Variants in SRSF1 observed in about 807,000 individuals in gnomAD.
SRSF1 encodes serine and arginine rich splicing factor 1.
SRSF1 carries 1 observed loss-of-function variant against 25.9 expected under a neutral mutation model. That is an observed-to-expected ratio of 0.04 (90% CI 0.01 to 0.18). The LOEUF is 0.18. Ranked by LOEUF, SRSF1 falls within the 10% of genes least tolerant of loss-of-function variation. SRSF1 has a pLI of 1.00. For synonymous variants in SRSF1, 132 were observed against 126.2 expected (o/e 1.05, Z -0.31); for missense variants, 65 against 350.5 (o/e 0.19, Z 6.50).
At chr17:57,992,950 G>C in the SRSF1 span, 1 of 152,320 alleles carries the variant, frequency 6.6e-6, no homozygotes, top group African/African-American at 2.4e-5. Context: ...ATGACCTCAT[G>C]ACTAGCAAGA....
At chr17:57,992,506 A>T in the SRSF1 span, 63 of 152,294 alleles carry the variant, frequency 4.1e-4, no homozygotes, top group Admixed American at 1.2e-3. Flanking sequence ...ATAAAAAAAT[A>T]AACTAAATTC....
At chr17:58,006,903 G>A (rs1458171432) in intron 1 of SRSF1, 41 bp downstream of exon 1, 5 of 1,607,064 alleles carry the variant, frequency 3.1e-6, no homozygotes, top group East Asian at 2.2e-5. Context: ...CCAACTACTC[G>A]GACCTATTTC....
chr17:57,996,919 C>T (rs1003787605), downstream of SRSF1, among the ~76,000 whole-genome samples: 1 of 152,162 alleles, frequency 6.6e-6, no homozygotes, highest in Non-Finnish European at 1.5e-5. Flanking sequence ...ATGTATTAAT[C>T]TCTTTATGAA....
rs542250960 is a variant in SRSF1 at position 58,001,474 on chromosome 17, A to G, written c.*3932T>C. 1.3e-5 allele frequency among the ~76,000 whole-genome samples: 2 copies of G among 152,316 alleles called. No homozygotes were observed. The highest frequency in any genetic ancestry group is 4.1e-4 in the South Asian group (2 of 4,824). On this transcript the variant is annotated 3_prime_UTR_variant, in exon 4 of 4. Coordinates refer to ENST00000258962, the MANE Select transcript of SRSF1 (RefSeq NM_006924.5). ...CAGACCCAAACAATCAAGAACCAGA[A>G]AATGGGTTTCTTACCTTTTGTTTCC...
At position 58,005,166 on chromosome 17, in the gene SRSF1, T is replaced by C. The variant is rs189451464; in HGVS notation, c.*240A>G. 714 of 569,336 alleles carry C rather than the reference T, an allele frequency of 1.3e-3. 3 individuals carry two copies. The highest frequency in any genetic ancestry group is 8.4e-4 in the Non-Finnish European group (270 of 323,088). 35.3% of individuals were successfully genotyped at this position (569,336 alleles called of 1,614,324 possible). On this transcript the variant is annotated 3_prime_UTR_variant, in exon 4 of 4. Transcript: ENST00000258962. The surrounding 1 kb of genome is among the most constrained non-coding windows in gnomAD (Gnocchi z 5.2). ...GATAGACATTTACACAATATCACAG[T>C]CTGAAGAGTATGGAGTTAACTAAAT...
chr17:58,007,057 G>A lies in SRSF1; in HGVS notation c.81C>T (p.Ile27=). 2 of 1,614,190 alleles carry A rather than the reference G, an allele frequency of 1.2e-6. No homozygotes were observed. The highest frequency in any genetic ancestry group is 1.3e-5 in the African/African-American group (1 of 75,046). The change falls in exon 1 of 4, where the codon ATC becomes ATT. Residue 27 remains isoleucine, a synonymous_variant. Transcript: ENST00000258962. ...ACACGTCCTCAATGTCCTTGGTTCG[G>A]ATGTCTGGAGGTAAGTTACCCACGT... ...RIYVGNLPPD[I]RTKDIEDVFY...
downstream of SRSF1, among the ~76,000 whole-genome samples, chr17:57,998,756 G>A (rs138328023): frequency 3.3e-5 from 5 of 152,290 alleles, no homozygotes; most frequent in African/African-American, 1.2e-4. Flanking sequence ...AATCTCTACT[G>A]TGTAAACTTG....
intron 2 of SRSF1, 64 bp downstream of exon 2, chr17:58,006,279 G>A (rs1173845187): frequency 3.3e-6 from 5 of 1,523,930 alleles, no homozygotes; most frequent in South Asian, 2.6e-5. Context: ...AACCTGTCAC[G>A]CAAGAGAAAA....
Position 58,002,507 on chromosome 17 carries a change from CAGT to C in SRSF1, c.*2896_*2898del, listed in dbSNP as rs1419443521. 7.9e-5 allele frequency among the ~76,000 whole-genome samples: 12 copies of C among 152,192 alleles called. No individual in the cohort carries two copies. Among genetic ancestry groups the C allele is most frequent in the Non-Finnish European group, 1.2e-4 (8 of 68,032 alleles). The stretch of plus-strand genomic sequence containing the variant: ...AACCTAAATAGTACCAAGGGGCTGT[CAGT>C]AGACAAATACAAGAAGTAGCAGGCT... On this transcript the variant is annotated 3_prime_UTR_variant, in exon 4 of 4. Coordinates refer to ENST00000258962, the MANE Select transcript of SRSF1 (RefSeq NM_006924.5).
rs984609394 is a variant in SRSF1, at chr17:58,006,508, A to T, written c.214T>A (p.Tyr72Asn). ...TCGTAATCATAGCCGTCGCGACCAT[A>T]CACCGCGTCTTCCGCGTCTCTGCGG... ...EDPRDAEDAV[Y>N]GRDGYDYDGY... Residue 72 changes from tyrosine (Y) to asparagine (N), a missense_variant, in exon 2 of 4, where the codon TAT becomes AAT. Transcript: ENST00000258962. 6.2e-7 allele frequency: 1 copy of T among 1,612,950 alleles called. No homozygotes were observed.
chr17:57,989,118 G>A, the SRSF1 span: 16 of 398,120 alleles, frequency 4.0e-5, no homozygotes, highest in African/African-American at 2.9e-4. Flanking sequence ...ACTTCTGGTT[G>A]GACAGCGTCA....
rs1449275186 is a variant in SRSF1 at position 58,003,142 on chromosome 17, T to C, written c.*2264A>G. 2.0e-5 allele frequency among the ~76,000 whole-genome samples: 3 copies of C among 152,234 alleles called. No individual in the cohort carries two copies. In the East Asian group the frequency reaches 5.8e-4, roughly 29 times the overall value. On this transcript the variant is annotated 3_prime_UTR_variant, in exon 4 of 4. Transcript: ENST00000258962. ...AACATTAGTAGCCATCAACCAATTT[T>C]GCACAAAAGCCTATGTTGTCTATGA...
At chr17:57,990,766 A>G in the SRSF1 span, 1 of 152,212 alleles carries the variant, frequency 6.6e-6, no homozygotes, top group Admixed American at 6.5e-5. Context: ...AAAGCATCTA[A>G]GCCAAAAATA....
rs1367046052 is a variant in SRSF1 at position 58,001,264 on chromosome 17, C to T, written c.*4142G>A. Among the ~76,000 whole-genome samples, 1 of 152,128 alleles carries T rather than the reference C, an allele frequency of 6.6e-6. No individual in the cohort carries two copies. Among genetic ancestry groups the T allele is most frequent in the African/African-American group, 2.4e-5 (1 of 41,432 alleles). Reference sequence around the variant, plus strand: ...AAGACAATGTTTCAAAGACAACAAACACCAAGAAAAGTTGAGATTCTACAA... The same window carrying T: ...AAGACAATGTTTCAAAGACAACAAATACCAAGAAAAGTTGAGATTCTACAA... On this transcript the variant is annotated 3_prime_UTR_variant, in exon 4 of 4. Transcript: ENST00000258962.
chr17:57,992,386 T>G, the SRSF1 span: 1 of 152,110 alleles, frequency 6.6e-6, no homozygotes, highest in African/African-American at 2.4e-5. Flanking sequence ...ATGGAAAAAG[T>G]AGGTAATGGG....
downstream of SRSF1, among the ~76,000 whole-genome samples, chr17:57,997,450 T>C (rs2075369571): frequency 6.6e-6 from 1 of 152,194 alleles, no homozygotes; most frequent in Non-Finnish European, 1.5e-5. Context: ...ATTTAGCTCA[T>C]TGGGAAATAT....
rs550325334 is a variant in SRSF1 at position 58,007,200 on chromosome 17, G to C, written c.-63C>G. 1 of 1,585,470 alleles carries C rather than the reference G, an allele frequency of 6.3e-7. No individual in the cohort carries two copies. The highest frequency in any genetic ancestry group is 8.6e-7 in the Non-Finnish European group (1 of 1,162,856). ...CCCACCAAGCCTAGCGCACGGCAGA[G>C]CGAGCCCGCAGCGGCACCACGTCTC... On this transcript the variant is annotated 5_prime_UTR_variant, in exon 1 of 4. Transcript: ENST00000258962.
In SRSF1 at chr17:58,005,728, T is replaced by C. The variant is rs2075422403; in HGVS notation, c.552+73A>G. 1 of 1,612,042 alleles carries C rather than the reference T, an allele frequency of 6.2e-7. No individual in the cohort carries two copies. Among genetic ancestry groups the C allele is most frequent in the Non-Finnish European group, 8.5e-7 (1 of 1,178,574 alleles). On this transcript the variant is annotated intron_variant, in intron 3 of 3. Transcript: ENST00000258962. The surrounding 1 kb of genome is among the most constrained non-coding windows in gnomAD (Gnocchi z 5.2). Reference sequence around the variant, plus strand: ...TACTTGGACAACCTTGCCTGAATCCTTACCTTGAAATTCCACTGTTAAGAC... The same window carrying C: ...TACTTGGACAACCTTGCCTGAATCCCTACCTTGAAATTCCACTGTTAAGAC...
chr17:57,989,332 G>A, the SRSF1 span: 3 of 398,478 alleles, frequency 7.5e-6, no homozygotes, highest in Non-Finnish European at 1.3e-5. Flanking sequence ...ATCTCCTGTG[G>A]CAGGGAAATG....
Sources: gnomAD v4.1 joint callset for allele counts (sites outside exome capture counted in the v4.1 genomes callset) on GRCh38, gnomAD v4.1.1 for gene constraint, Gnocchi (gnomAD v3.1) non-coding constraint, MANE v1.5 for transcripts, NCBI Gene and HGNC (gene_info 2026-07-23, HGNC 2026-07-21) for gene names.